The following STX2 variants were observed in gnomAD, a reference collection of about 807,000 sequenced individuals.
STX2 encodes the protein syntaxin-2.
In STX2, 27 loss-of-function variants were observed where a neutral mutation model predicts 40.6. That is an observed-to-expected ratio of 0.66 (90% CI 0.49 to 0.92). The LOEUF (loss-of-function observed/expected upper bound fraction) is 0.92. Ranked by LOEUF, STX2 falls within the 40% of genes least tolerant of loss-of-function variation. The pLI, the probability that STX2 is intolerant of heterozygous loss-of-function variation, is 0.00. For missense variants in STX2, 328 were observed against 366.1 expected, an observed-to-expected ratio of 0.90 and a Z score of 0.85; for synonymous variants, 123 against 119.1, an observed-to-expected ratio of 1.03 and a Z score of -0.22.
chr12:130,809,039 G>T (rs982791502), intron 4 of STX2, among the ~76,000 whole-genome samples: 4 of 152,124 alleles, frequency 2.6e-5, no homozygotes, highest in African/African-American at 9.7e-5. Flanking sequence ...GCTAATTTTT[G>T]TATGTTTTGT....
chr12:130,810,096 A>G (rs543815700), intron 4 of STX2, among the ~76,000 whole-genome samples: 96 of 152,290 alleles, frequency 6.3e-4, no homozygotes, highest in African/African-American at 2.1e-3. Flanking sequence ...AAAAAGAATG[A>G]CACAAAAAAT....
Position 130,812,964 on chromosome 12 carries a change from C to A in STX2, c.273G>T (p.Lys91Asn). 6.4e-7 allele frequency: 1 copy of A among 1,553,346 alleles called. No individual in the cohort carries two copies. The highest frequency in any genetic ancestry group is 8.7e-7 in the Non-Finnish European group (1 of 1,155,030). ...IKKTANKIRAKLKAIEQSFDQ... is the reference protein window; with the variant it reads ...IKKTANKIRANLKAIEQSFDQ... ...ATAAAACTTCAAACTTACCCTTTAA[C>A]TTGGCTCGAATTTTATTCGCAGTTT... Residue 91 changes from lysine (K) to asparagine (N), a missense_variant, in exon 4 of 11, where the codon AAG becomes AAT. By Grantham distance (94) the Lys-to-Asn change is moderately conservative. Coordinates refer to ENST00000392373, the MANE Select transcript of STX2 (RefSeq NM_194356.4).
At chr12:130,824,636 A>G (rs901722852) in intron 2 of STX2, among the ~76,000 whole-genome samples, 2 of 152,104 alleles carry the variant, frequency 1.3e-5, no homozygotes, top group Admixed American at 1.3e-4. Context: ...CTTTGGCTCC[A>G]TTATAAATCA....
At chr12:130,792,306 G>C (rs1017015834) in intron 10 of STX2, among the ~76,000 whole-genome samples, 1 of 152,154 alleles carries the variant, frequency 6.6e-6, no homozygotes, top group African/African-American at 2.4e-5. Flanking sequence ...TGATCCACCC[G>C]CCTCAGCCTC....
At position 130,827,280 on chromosome 12, in the gene STX2, A is replaced by G; in HGVS notation, c.31-13T>C. On this transcript the variant is annotated splice_polypyrimidine_tract_variant and intron_variant, in intron 1 of 10. Transcript: ENST00000392373. ...CATTCTTCCTACACTACAATGAAAA[A>G]TGGAAAATTCAGTTTTTTAAAATTT... is the stretch of plus-strand genomic sequence containing the variant. The G allele has an allele frequency of 6.2e-7, 1 of 1,611,340 alleles. No homozygotes were observed. The highest frequency in any genetic ancestry group is 8.5e-7 in the Non-Finnish European group (1 of 1,178,128).
intron 4 of STX2, 81 bp from the exon 5 acceptor site, chr12:130,808,785 C>T (rs922702215): frequency 4.1e-6 from 5 of 1,225,576 alleles, no homozygotes; most frequent in Non-Finnish European, 5.8e-6. Flanking sequence ...CCTTTTATTT[C>T]TTATCTTTGA....
Position 130,796,023 on chromosome 12 carries a change from T to C in STX2, c.*17A>G. On this transcript the variant is annotated 3_prime_UTR_variant, in exon 10 of 11. Coordinates refer to ENST00000392373, the MANE Select transcript of STX2 (RefSeq NM_194356.4). ...CACCCTGGCAGAGAGGCATGCACAC[T>C]GACGTTATCCACACCATCATTTGCC... is the stretch of plus-strand genomic sequence containing the variant. The C allele has an allele frequency of 6.2e-7, 1 of 1,614,014 alleles. No homozygotes were observed. Among genetic ancestry groups the C allele is most frequent in the Non-Finnish European group, 8.5e-7 (1 of 1,179,956 alleles).
chr12:130,796,039 A>G lies in STX2; in HGVS notation c.*1T>C. 1 of 1,614,208 alleles carries G rather than the reference A, an allele frequency of 6.2e-7. No homozygotes were observed. Among genetic ancestry groups the G allele is most frequent in the Non-Finnish European group, 8.5e-7 (1 of 1,180,030 alleles). On this transcript the variant is annotated 3_prime_UTR_variant, in exon 10 of 11. Coordinates refer to ENST00000392373, the MANE Select transcript of STX2 (RefSeq NM_194356.4). Reference sequence around the variant, plus strand: ...CATGCACACTGACGTTATCCACACCATCATTTGCCAACTGACAAGCCAATA... The same window carrying G: ...CATGCACACTGACGTTATCCACACCGTCATTTGCCAACTGACAAGCCAATA...
intron 5 of STX2, among the ~76,000 whole-genome samples, chr12:130,807,787 G>T (rs985790426): frequency 3.3e-5 from 5 of 152,180 alleles, no homozygotes; most frequent in African/African-American, 1.2e-4. Flanking sequence ...ACTGTGAAAG[G>T]AAAATAAAAT....
At chr12:130,805,753 A>G (rs1197954197) in intron 6 of STX2, among the ~76,000 whole-genome samples, 1 of 152,238 alleles carries the variant, frequency 6.6e-6, no homozygotes, top group East Asian at 1.9e-4. Context: ...ACAAAGCCCA[A>G]GGAGATTTAC....
At chr12:130,822,055 A>T (rs1004191593) in intron 2 of STX2, among the ~76,000 whole-genome samples, 11 of 152,222 alleles carry the variant, frequency 7.2e-5, no homozygotes, top group African/African-American at 2.7e-4. Context: ...AGTCCCAAGC[A>T]TGACACAGAT....
intron 2 of STX2, among the ~76,000 whole-genome samples, chr12:130,825,772 T>C (rs570888950): frequency 3.3e-5 from 5 of 152,180 alleles, no homozygotes; most frequent in Non-Finnish European, 5.9e-5. Flanking sequence ...CTAGGCCAGA[T>C]GAGGCTGCTG....
intron 8 of STX2, 100 bp downstream of exon 8, chr12:130,801,053 T>C: frequency 1.5e-6 from 2 of 1,372,302 alleles, no homozygotes; most frequent in Non-Finnish European, 9.7e-7. Context: ...GGATCCAAAA[T>C]AACAGCTTTC....
chr12:130,823,913 GT>G (rs1485827557), intron 2 of STX2, among the ~76,000 whole-genome samples: 93 of 152,342 alleles, frequency 6.1e-4, no homozygotes, highest in African/African-American at 2.0e-3. Context: ...ATATTTCTGG[GT>G]TTGGTGTGTT....
chr12:130,803,526 G>A (rs1409736778), intron 6 of STX2, among the ~76,000 whole-genome samples: 2 of 151,880 alleles, frequency 1.3e-5, no homozygotes, highest in African/African-American at 4.8e-5. Context: ...AATTAGCCAG[G>A]TATGGTGGTG....
In STX2 at chr12:130,839,200, C is replaced by A; in HGVS notation, c.-101G>T. ...GTCTCCGCCTCAGGCCCCGCGGTCC[C>A]GGCCCGGCGCCAGCAGCCCTCCCTG... is the stretch of plus-strand genomic sequence containing the variant. On this transcript the variant is annotated 5_prime_UTR_variant, in exon 1 of 11. Coordinates refer to ENST00000392373, the MANE Select transcript of STX2 (RefSeq NM_194356.4). 2.0e-6 allele frequency: 2 copies of A among 1,022,826 alleles called. No individual in the cohort carries two copies. Among genetic ancestry groups the A allele is most frequent in the Middle Eastern group, 4.3e-4 (1 of 2,332 alleles). The allele number at this position is 1,022,826 out of a possible 1,614,324, so 63.4% of individuals were successfully genotyped here.
At chr12:130,803,636 C>T (rs1418260967) in intron 6 of STX2, among the ~76,000 whole-genome samples, 5 of 144,438 alleles carry the variant, frequency 3.5e-5, no homozygotes, top group Non-Finnish European at 7.5e-5. Context: ...CACTGCACTC[C>T]AGCCTGGGTG....
intron 1 of STX2, among the ~76,000 whole-genome samples, chr12:130,832,393 T>C (rs547920756): frequency 3.3e-5 from 5 of 152,130 alleles, no homozygotes; most frequent in Non-Finnish European, 7.3e-5. Flanking sequence ...TGCACATGCA[T>C]GTCAGGATGG....
intron 3 of STX2, among the ~76,000 whole-genome samples, chr12:130,816,258 G>T (rs978460496): frequency 6.3e-4 from 96 of 152,352 alleles, no homozygotes; most frequent in African/African-American, 2.1e-3. Flanking sequence ...GAAACCACAA[G>T]ATCTGAGAGC....
Sources: allele counts gnomAD v4.1 joint callset (sites outside exome capture counted in the v4.1 genomes callset), GRCh38; gene constraint gnomAD v4.1.1; transcripts MANE v1.5; gene names NCBI Gene and HGNC (gene_info 2026-07-23, HGNC 2026-07-21).